The following B4GALT1 variants were observed in gnomAD, a reference collection of about 807,000 sequenced individuals.
B4GALT1 encodes beta-1,4-galactosyltransferase 1, also known as N-acetyllactosamine synthase.
In B4GALT1, 16 loss-of-function variants were observed where a neutral mutation model predicts 34.9. The ratio of observed to expected loss-of-function variants is 0.46; its 90% CI spans 0.31 to 0.70. The LOEUF (loss-of-function observed/expected upper bound fraction) is 0.70. B4GALT1 is among the 30% of genes least tolerant of loss of function. B4GALT1 has a pLI of 0.05. For missense variants in B4GALT1, 445 were observed against 530.5 expected (o/e 0.84, Z 1.58); for synonymous variants, 221 against 218.1 (o/e 1.01, Z -0.12).
At chr9:33,167,528 A>T (rs1323575891), upstream of B4GALT1, among the ~76,000 whole-genome samples, 1 of 152,160 alleles carries the variant, frequency 6.6e-6, no homozygotes. Flanking sequence ...TCCCCGGAGT[A>T]TGACTGCAGC....
intron 3 of B4GALT1, among the ~76,000 whole-genome samples, chr9:33,120,154 A>C (rs1839998900): frequency 6.6e-6 from 1 of 151,966 alleles, no homozygotes; most frequent in African/African-American, 2.4e-5. Context: ...ACTGCACTCC[A>C]GCCTGGGTGA....
At chr9:33,142,904 G>C (rs1840373938) in intron 1 of B4GALT1, among the ~76,000 whole-genome samples, 1 of 152,052 alleles carries the variant, frequency 6.6e-6, no homozygotes, top group Non-Finnish European at 1.5e-5. Flanking sequence ...CAGCATTTTG[G>C]GAGGCTGAGA....
chr9:33,105,836 G>T, downstream of B4GALT1, among the ~76,000 whole-genome samples: 1 of 137,382 alleles, frequency 7.3e-6, no homozygotes. Context: ...ATATTCCATT[G>T]TATGTATATA....
At chr9:33,173,557 T>C in the B4GALT1 span, among the ~76,000 whole-genome samples, 1 of 151,986 alleles carries the variant, frequency 6.6e-6, no homozygotes, top group Non-Finnish European at 1.5e-5. Flanking sequence ...TGTGAATTCA[T>C]TATTTTCAAT....
chr9:33,105,011 G>A (rs938641986), intron 2 of B4GALT1, among the ~76,000 whole-genome samples: 8 of 151,802 alleles, frequency 5.3e-5, no homozygotes, highest in African/African-American at 1.9e-4. Flanking sequence ...GTAGAGACGG[G>A]GTTTCACTGT....
Position 33,120,406 on chromosome 9 carries a change from G to A in B4GALT1, c.836+13C>T, listed in dbSNP as rs1239119717. 7 of 1,612,056 alleles carry A rather than the reference G, an allele frequency of 4.3e-6. No homozygotes were observed. The highest frequency in any genetic ancestry group is 5.9e-6 in the Non-Finnish European group (7 of 1,179,688). ...GACATGTTTACCACAGATTCTGACT[G>A]AGTATCTCTTACCTGAATCCAAACT... On this transcript the variant is annotated intron_variant, in intron 3 of 5. Coordinates refer to ENST00000379731, the MANE Select transcript of B4GALT1 (RefSeq NM_001497.4).
intron 2 of B4GALT1, among the ~76,000 whole-genome samples, chr9:33,127,820 C>G (rs1486012429): frequency 6.6e-6 from 1 of 152,252 alleles, no homozygotes; most frequent in Non-Finnish European, 1.5e-5. Flanking sequence ...ATGAGCTCAA[C>G]TGTGGTTTAA....
intron 3 of B4GALT1, among the ~76,000 whole-genome samples, chr9:33,118,167 G>A (rs1436705485): frequency 2.0e-5 from 3 of 152,144 alleles, no homozygotes; most frequent in African/African-American, 7.2e-5. Flanking sequence ...GTGAAAGCGG[G>A]GACGGAAGGG....
chr9:33,131,832 T>C (rs1373327155), intron 2 of B4GALT1, among the ~76,000 whole-genome samples: 2 of 152,246 alleles, frequency 1.3e-5, no homozygotes, highest in African/African-American at 4.8e-5. Context: ...GTGCTCCAAA[T>C]GTTTCTCCTT....
chr9:33,142,764 G>A (rs996534940), intron 1 of B4GALT1, among the ~76,000 whole-genome samples: 1 of 152,098 alleles, frequency 6.6e-6, no homozygotes, highest in African/African-American at 2.4e-5. Flanking sequence ...CCAGCTAAGT[G>A]AGAAACATTT....
At chr9:33,161,317 C>T (rs1354949360) in intron 1 of B4GALT1, among the ~76,000 whole-genome samples, 1 of 152,154 alleles carries the variant, frequency 6.6e-6, no homozygotes, top group African/African-American at 2.4e-5. Context: ...ACCAGCTCCC[C>T]ACTAAACCCT....
intron 1 of B4GALT1, among the ~76,000 whole-genome samples, chr9:33,161,012 G>T (rs1302987730): frequency 1.4e-5 from 2 of 143,160 alleles, no homozygotes; most frequent in African/African-American, 5.0e-5. Flanking sequence ...ATCTCTGTGA[G>T]GCAAGTCATT....
chr9:33,117,287 T>C (rs1839954758), intron 3 of B4GALT1, among the ~76,000 whole-genome samples: 1 of 152,256 alleles, frequency 6.6e-6, no homozygotes, highest in Non-Finnish European at 1.5e-5. Context: ...CTTCAGACTT[T>C]ATCCTGATTT....
chr9:33,126,665 A>AGTTAACCATTT (rs1405751053), intron 2 of B4GALT1, among the ~76,000 whole-genome samples: 1 of 31,100 alleles, frequency 3.2e-5, no homozygotes, highest in Non-Finnish European at 1.0e-4. Flanking sequence ...CCATAGCAAT[A>AGTTAACCATTT]TGGTAGCTCA....
intron 1 of B4GALT1, among the ~76,000 whole-genome samples, chr9:33,156,493 G>A (rs1403582655): frequency 1.3e-5 from 2 of 152,152 alleles, no homozygotes; most frequent in East Asian, 3.9e-4. Flanking sequence ...CATCATTTAT[G>A]CAATTCAGTG....
intron 1 of B4GALT1, among the ~76,000 whole-genome samples, chr9:33,152,371 A>ACAT (rs1840532533): frequency 1.5e-5 from 1 of 68,632 alleles, no homozygotes; most frequent in Non-Finnish European, 2.8e-5. Flanking sequence ...TAACATAACA[A>ACAT]CTTCTACATA....
downstream of B4GALT1, among the ~76,000 whole-genome samples, chr9:33,108,202 G>T (rs937465329): frequency 3.3e-5 from 5 of 152,082 alleles, no homozygotes; most frequent in Admixed American, 3.3e-4. Flanking sequence ...AATAGGTTCT[G>T]TTATAACTCC....
chr9:33,115,474 C>T (rs1303948574), intron 4 of B4GALT1, among the ~76,000 whole-genome samples: 1 of 152,094 alleles, frequency 6.6e-6, no homozygotes, highest in African/African-American at 2.4e-5. Flanking sequence ...AAAAAGAGCC[C>T]CAGGATGTGG....
chr9:33,143,688 T>C (rs1245916936), intron 1 of B4GALT1, among the ~76,000 whole-genome samples: 1 of 152,206 alleles, frequency 6.6e-6, no homozygotes, highest in African/African-American at 2.4e-5. Context: ...GAAACGCTGG[T>C]TTACAGGTTC....
Sources: gnomAD v4.1 joint callset for allele counts (sites outside exome capture counted in the v4.1 genomes callset) on GRCh38, gnomAD v4.1.1 for gene constraint, MANE v1.5 for transcripts, NCBI Gene and HGNC (gene_info 2026-07-23, HGNC 2026-07-21) for gene names.